Variants in MYO9A observed in about 807,000 individuals in gnomAD.
MYO9A encodes the protein myosin IXA, also known as unconventional myosin-IXa.
In MYO9A, 103 loss-of-function variants were observed where a neutral mutation model predicts 293.3. The observed-to-expected ratio is 0.35, with a 90% CI of 0.30 to 0.41. The LOEUF is 0.41. MYO9A is among the 10% of genes least tolerant of loss of function. The pLI is 1.00. For missense variants in MYO9A, 2,685 were observed against 3,033.0 expected (o/e 0.89, Z 2.69); for synonymous variants, 1,001 against 1,035.7 (o/e 0.97, Z 0.64).
chr15:71,899,699 C>G lies in MYO9A; in HGVS notation c.3458G>C (p.Arg1153Thr). ...ILLQSTCRGFRARQRFKALKE... is the reference protein window; with the variant it reads ...ILLQSTCRGFTARQRFKALKE... ...TAATAGAGATTACCTTTGTCTTGCT[C>G]TGAATCCTCTACATGTTGATTGCAA... The change falls in exon 24 of 42, where the codon AGA (arginine) becomes ACA (threonine). Residue 1153 changes from arginine to threonine, a missense_variant. Transcript: ENST00000356056. 6.2e-7 allele frequency: 1 copy of G among 1,612,472 alleles called. No individual in the cohort carries two copies. Among genetic ancestry groups the G allele is most frequent in the Non-Finnish European group, 8.5e-7 (1 of 1,179,242 alleles).
chr15:72,097,728 T>G (rs534927290), intron 1 of MYO9A, among the ~76,000 whole-genome samples: 1 of 152,052 alleles, frequency 6.6e-6, no homozygotes, highest in African/African-American at 2.4e-5. Context: ...GCCAACATGG[T>G]GTAACCCCAT....
intron 14 of MYO9A, among the ~76,000 whole-genome samples, chr15:71,956,310 T>TAAAAA (rs869151550): frequency 8.4e-4 from 31 of 36,760 alleles, no homozygotes; most frequent in East Asian, 5.9e-3. Context: ...ACCCGGCTCT[T>TAAAAA]AAAAAAAAAA....
rs908131309 is a variant in MYO9A, at chr15:71,826,846, G to A, written c.7381C>T (p.Arg2461Ter). The A allele has an allele frequency of 5.6e-6, 9 of 1,614,020 alleles. No individual in the cohort carries two copies. The East Asian group carries it at 6.7e-5, about 12-fold the overall frequency. The change falls in exon 42 of 42, where the codon CGA becomes TGA. Residue 2461 changes from arginine (R) to a stop codon, truncating the protein, a stop_gained. Transcript: ENST00000356056. LOFTEE classifies it high-confidence loss of function. ...AGGGCCTCATTACCTGAGGCAGCTC[G>A]GTAGAATGGAGATTTGGAATAAATC... ...FQIYSKSPFY[R>*]AASGNEALGM... is the part of the protein sequence containing the mutation.
At chr15:72,022,802 G>A (rs2149247529) in intron 4 of MYO9A, among the ~76,000 whole-genome samples, 1 of 151,914 alleles carries the variant, frequency 6.6e-6, no homozygotes, top group East Asian at 1.9e-4. Context: ...TACCCATCTT[G>A]GCCTCCCAAA....
intron 4 of MYO9A, among the ~76,000 whole-genome samples, chr15:72,025,772 A>T (rs1187386501): frequency 6.6e-6 from 1 of 152,212 alleles, no homozygotes; most frequent in African/African-American, 2.4e-5. Context: ...CAAGAAAAAG[A>T]GGACTTCAAA....
chr15:72,041,963 A>AT (rs1271092358), intron 2 of MYO9A, among the ~76,000 whole-genome samples: 1 of 151,486 alleles, frequency 6.6e-6, no homozygotes, highest in Non-Finnish European at 1.5e-5. Flanking sequence ...AAATTCTCCC[A>AT]TAAAAAACAC....
At position 71,940,497 on chromosome 15, in the gene MYO9A, G is replaced by A. The variant is rs372617547; in HGVS notation, c.2303-1570C>T. ...ACAGAGTGAGACCCTGTCTTGGAGCGGGGACGGGGTTGGGGGAGGAGGGGC... is the reference window on the plus strand; with the variant it reads ...ACAGAGTGAGACCCTGTCTTGGAGCAGGGACGGGGTTGGGGGAGGAGGGGC... On this transcript the variant is annotated intron_variant, in intron 15 of 41. Transcript: ENST00000356056. Among the ~76,000 whole-genome samples, 25 of 152,084 alleles carry A rather than the reference G, an allele frequency of 1.6e-4. 1 individual carries two copies. The highest frequency in any genetic ancestry group is 5.3e-4 in the African/African-American group (22 of 41,494).
intron 17 of MYO9A, among the ~76,000 whole-genome samples, chr15:71,934,771 T>TTTTTC (rs1381489867): frequency 7.4e-5 from 11 of 147,792 alleles, no homozygotes; most frequent in South Asian, 2.1e-4. Flanking sequence ...TGGCTAATTT[T>TTTTTC]TTTTCTTTTC....
At chr15:72,087,640 C>T (rs2079782851) in intron 1 of MYO9A, among the ~76,000 whole-genome samples, 1 of 152,186 alleles carries the variant, frequency 6.6e-6, no homozygotes, top group African/African-American at 2.4e-5. Context: ...TGTCTTCCCT[C>T]TGTCTACTCT....
Position 71,896,729 on chromosome 15 carries a change from G to A in MYO9A, c.5042+732C>T, listed in dbSNP as rs958483413. Among the ~76,000 whole-genome samples, 6 of 151,268 alleles carry A rather than the reference G, an allele frequency of 4.0e-5. No individual in the cohort carries two copies. In the East Asian group the frequency reaches 7.8e-4, roughly 20 times the overall value. Reference sequence around the variant, plus strand: ...TAGGAGGCAGAGGTTGCAGTTAGCTGAGATCACACCACTGCACTCCAGCCT... The same window carrying A: ...TAGGAGGCAGAGGTTGCAGTTAGCTAAGATCACACCACTGCACTCCAGCCT... On this transcript the variant is annotated intron_variant, in intron 25 of 41. Coordinates refer to ENST00000356056, the MANE Select transcript of MYO9A (RefSeq NM_006901.4).
chr15:71,916,093 C>T (rs1485619695), intron 19 of MYO9A, among the ~76,000 whole-genome samples: 4 of 152,074 alleles, frequency 2.6e-5, no homozygotes, highest in African/African-American at 9.7e-5. Context: ...GGTTTAAAGG[C>T]AGATTTGTTT....
chr15:71,987,387 A>G (rs75484736), intron 11 of MYO9A, among the ~76,000 whole-genome samples: 1,564 of 152,328 alleles, frequency 0.01, 11 homozygotes, highest in Non-Finnish European at 0.017. Flanking sequence ...TCATTGTCTG[A>G]AAAATTCTAA....
chr15:72,000,212 AG>A (rs1318158831), intron 8 of MYO9A, among the ~76,000 whole-genome samples: 2 of 152,250 alleles, frequency 1.3e-5, no homozygotes, highest in African/African-American at 4.8e-5. Context: ...AATATAGAAT[AG>A]TATAAAAAAC....
At chr15:71,884,664 T>C (rs930923642) in intron 27 of MYO9A, among the ~76,000 whole-genome samples, 1 of 152,158 alleles carries the variant, frequency 6.6e-6, no homozygotes, top group Non-Finnish European at 1.5e-5. Context: ...GCGATAACAA[T>C]GGCATGTAGT....
At chr15:72,118,259 CT>C (rs770604865), upstream of MYO9A, 214 of 322,788 alleles carry the variant, frequency 6.6e-4, 1 homozygote, top group East Asian at 7.0e-3. Context: ...GACACGCCCC[CT>C]TTCCTACGCC....
At chr15:71,910,722 G>A (rs2057820608) in intron 19 of MYO9A, among the ~76,000 whole-genome samples, 1 of 152,152 alleles carries the variant, frequency 6.6e-6, no homozygotes, top group African/African-American at 2.4e-5. Flanking sequence ...GAATAATAAT[G>A]TTGAACAGGT....
rs953975095 is a variant in MYO9A, at chr15:71,914,733, T to C, written c.2685+1637A>G. ...CTTTTGTAATAACTTAATGGCCGAT[T>C]AGAAATATGAAAGAGGACTCTTTTT... On this transcript the variant is annotated intron_variant, in intron 19 of 41. Coordinates refer to ENST00000356056, the MANE Select transcript of MYO9A (RefSeq NM_006901.4). Among the ~76,000 whole-genome samples the C allele has an allele frequency of 2.6e-5, 4 of 152,300 alleles. No homozygotes were observed. The East Asian group carries it at 5.8e-4, about 22-fold the overall frequency.
chr15:71,877,270 C>T (rs975794056), intron 31 of MYO9A, among the ~76,000 whole-genome samples: 9 of 152,008 alleles, frequency 5.9e-5, no homozygotes, highest in African/African-American at 1.5e-4. Context: ...ACACCGAGTA[C>T]GATTCTCAGG....
chr15:71,915,804 A>G (rs1427967152), intron 19 of MYO9A, among the ~76,000 whole-genome samples: 1 of 152,156 alleles, frequency 6.6e-6, no homozygotes, highest in African/African-American at 2.4e-5. Flanking sequence ...TACCAAATGA[A>G]AAGATCTTAG....
Sources: gnomAD v4.1 joint callset for allele counts (sites outside exome capture counted in the v4.1 genomes callset) on GRCh38, gnomAD v4.1.1 for gene constraint, MANE v1.5 for transcripts, NCBI Gene and HGNC (gene_info 2026-07-23, HGNC 2026-07-21) for gene names.